CKM: variants seen among roughly 807,000 people sequenced by gnomAD.
CKM encodes the protein creatine kinase M-type.
In CKM, 28 loss-of-function variants were observed where a neutral mutation model predicts 35.4. The ratio of observed to expected loss-of-function variants is 0.79; its 90% CI spans 0.59 to 1.08. CKM has a LOEUF of 1.08. Among genes scored for constraint, CKM ranks in the 50% least tolerant of loss-of-function variants. The probability of loss-of-function intolerance (pLI) is 0.00; values close to 1 mark genes in which losing one functional copy is unlikely to be tolerated. For missense variants in CKM, 484 were observed against 509.8 expected, an observed-to-expected ratio of 0.95 and a Z score of 0.49; for synonymous variants, 215 against 204.4, an observed-to-expected ratio of 1.05 and a Z score of -0.44.
chr19:45,315,250 G>T (rs1971145373), intron 4 of CKM, among the ~76,000 whole-genome samples: 1 of 152,206 alleles, frequency 6.6e-6, no homozygotes, highest in Admixed American at 6.5e-5. Flanking sequence ...GTCTGCGTAG[G>T]TCTTCTCAGG....
At chr19:45,311,408 T>G (rs1001217434) in intron 5 of CKM, among the ~76,000 whole-genome samples, 2 of 151,862 alleles carry the variant, frequency 1.3e-5, no homozygotes, top group Non-Finnish European at 2.9e-5. Flanking sequence ...TAAATTTTTG[T>G]CATTTTTAGT....
rs1971052380 is a variant in CKM, at chr19:45,306,481, G to T, written c.*269C>A. The T allele has an allele frequency of 1.9e-6, 1 of 534,782 alleles. No individual in the cohort carries two copies. The highest frequency in any genetic ancestry group is 1.9e-5 in the African/African-American group (1 of 52,528). 33.1% of individuals were successfully genotyped at this position (534,782 alleles called of 1,614,324 possible). A position where few individuals can be genotyped will look rare whatever the true frequency, so the allele number is the denominator to read the frequency against. On this transcript the variant is annotated 3_prime_UTR_variant, in exon 8 of 8. Transcript: ENST00000221476. This position sits in a 1 kb window ranked among gnomAD's most constrained non-coding sequence, Gnocchi z 4.5. The stretch of plus-strand genomic sequence containing the variant: ...AGCACAAGCTCCGAGTGTGCTGGGA[G>T]CTCTCCATTAACTAGAGCTCCTGGT...
chr19:45,312,004 T>G (rs542392936), intron 4 of CKM, 84 bp from the exon 5 acceptor site: 1 of 1,502,786 alleles, frequency 6.7e-7, no homozygotes, highest in East Asian at 2.3e-5. Context: ...CTGCTGCTGC[T>G]CCTAACGGGC....
chr19:45,319,720 G>C lies in CKM; in HGVS notation c.-7C>G, dbSNP rs775525357. On this transcript the variant is annotated 5_prime_UTR_variant, in exon 2 of 8. Coordinates refer to ENST00000221476, the MANE Select transcript of CKM (RefSeq NM_001824.5). ...GGGTGTTACCGAATGGCATGGTGGCGGTGTAGGAGACCTGATGGGCAGGGC... is the reference window on the plus strand; with the variant it reads ...GGGTGTTACCGAATGGCATGGTGGCCGTGTAGGAGACCTGATGGGCAGGGC... 1 of 1,613,978 alleles carries C rather than the reference G, an allele frequency of 6.2e-7. No homozygotes were observed. The highest frequency in any genetic ancestry group is 8.5e-7 in the Non-Finnish European group (1 of 1,179,920).
intron 3 of CKM, among the ~76,000 whole-genome samples, chr19:45,316,929 C>G (rs1174057274): frequency 1.3e-5 from 2 of 152,030 alleles, no homozygotes. Flanking sequence ...TTATGATCCG[C>G]CCACCTCAGC....
At position 45,306,960 on chromosome 19, in the gene CKM, G is replaced by T; in HGVS notation, c.968-32C>A. On this transcript the variant is annotated intron_variant, in intron 7 of 7. Transcript: ENST00000221476. The surrounding 1 kb of genome is among the most constrained non-coding windows in gnomAD (Gnocchi z 4.5). ...GAGCAAGGGACAGGGGCGTGAAGAG[G>T]CAGCGAAGGTGCAGAGGGGCTGGGA... is the stretch of plus-strand genomic sequence containing the variant. 1 of 1,610,534 alleles carries T rather than the reference G, an allele frequency of 6.2e-7. No homozygotes were observed. Among genetic ancestry groups the T allele is most frequent in the Non-Finnish European group, 8.5e-7 (1 of 1,179,302 alleles).
At chr19:45,308,558 G>A in intron 5 of CKM, 26 bp from the exon 6 acceptor site, 5 of 1,613,746 alleles carry the variant, frequency 3.1e-6, no homozygotes, top group Non-Finnish European at 4.2e-6. Context: ...GCAGCAAGAG[G>A]CCAAGGTGTC....
intron 1 of CKM, among the ~76,000 whole-genome samples, chr19:45,320,661 T>C (rs1971205137): frequency 6.6e-6 from 1 of 152,020 alleles, no homozygotes; most frequent in East Asian, 1.9e-4. Context: ...TGGGTAAGAG[T>C]GTAGGTTCTG....
chr19:45,313,600 G>A (rs1971129803), intron 4 of CKM, among the ~76,000 whole-genome samples: 1 of 152,102 alleles, frequency 6.6e-6, no homozygotes, highest in South Asian at 2.1e-4. Flanking sequence ...TAATCCTAGT[G>A]GTTTGGGAGG....
intron 6 of CKM, among the ~76,000 whole-genome samples, 169 bp from the exon 7 acceptor site, chr19:45,307,819 C>T (rs1251166081): frequency 6.7e-6 from 1 of 148,698 alleles, no homozygotes; most frequent in Non-Finnish European, 1.5e-5. Context: ...CAATGGGGAC[C>T]AAGGCAGGAT....
At chr19:45,316,827 T>G (rs1342403468) in intron 3 of CKM, among the ~76,000 whole-genome samples, 2 of 151,600 alleles carry the variant, frequency 1.3e-5, no homozygotes, top group African/African-American at 4.8e-5. Flanking sequence ...GCTAGGATTA[T>G]AGGTGAACAC....
intron 3 of CKM, among the ~76,000 whole-genome samples, chr19:45,316,887 G>A (rs960603541): frequency 3.3e-5 from 5 of 151,440 alleles, no homozygotes; most frequent in Non-Finnish European, 7.4e-5. Context: ...GGGTTTCACC[G>A]TGTTGGTCAG....
Position 45,315,588 on chromosome 19 carries a change from C to G in CKM, c.358G>C (p.Asp120His), listed in dbSNP as rs771688624. The G allele has an allele frequency of 5.6e-6, 9 of 1,603,868 alleles. No homozygotes were observed. The highest frequency in any genetic ancestry group is 1.3e-5 in the African/African-American group (1 of 75,046). The change falls in exon 4 of 8, where the codon GAC (aspartate) becomes CAC (histidine). Residue 120 changes from aspartate (D) to histidine (H), a missense_variant. Physicochemically the swap from Asp to His is moderately conservative, Grantham distance 81. Coordinates refer to ENST00000221476, the MANE Select transcript of CKM (RefSeq NM_001824.5). ...LNHENLKGGDDLDPNYVLSSR... is the reference protein window; with the variant it reads ...LNHENLKGGDHLDPNYVLSSR... ...CTGAGCACGTAGTTAGGGTCCAGGT[C>G]GTCTCCACCCTGGAGAGCGGGTGGG...
intron 3 of CKM, among the ~76,000 whole-genome samples, chr19:45,317,283 ATTT>A (rs1971167734): frequency 6.7e-6 from 1 of 148,444 alleles, no homozygotes; most frequent in East Asian, 2.0e-4. Context: ...AATTTATTTT[ATTT>A]ATTTATTTAT....
In CKM at chr19:45,306,766, A is replaced by T. The variant is rs1971055543; in HGVS notation, c.1130T>A (p.Ile377Asn). 2 of 1,613,978 alleles carry T rather than the reference A, an allele frequency of 1.2e-6. No individual in the cohort carries two copies. Among genetic ancestry groups the T allele is most frequent in the East Asian group, 2.2e-5 (1 of 44,882 alleles). The change falls in exon 8 of 8, where the codon ATC (isoleucine) becomes AAC (asparagine). Residue 377 changes from isoleucine to asparagine, a missense_variant. By Grantham distance (149) the Ile-to-Asn change is moderately radical. Transcript: ENST00000221476. This position sits in a 1 kb window ranked among gnomAD's most constrained non-coding sequence, Gnocchi z 4.5. ...LEKGQSIDDMIPAQK is the reference protein window; with the variant it reads ...LEKGQSIDDMNPAQK ...GGCAGGCGCCTACTTCTGGGCGGGGATCATGTCGTCAATGGACTGGCCTTT... is the reference window on the plus strand; with the variant it reads ...GGCAGGCGCCTACTTCTGGGCGGGGTTCATGTCGTCAATGGACTGGCCTTT...
At chr19:45,319,146 T>A (rs921727784) in intron 2 of CKM, among the ~76,000 whole-genome samples, 1 of 152,176 alleles carries the variant, frequency 6.6e-6, no homozygotes, top group Non-Finnish European at 1.5e-5. Context: ...CATGAGCCAC[T>A]GCACCTGGCC....
chr19:45,308,556 A>G (rs539774241), intron 5 of CKM, 24 bp from the exon 6 acceptor site: 72 of 1,612,742 alleles, frequency 4.5e-5, no homozygotes, highest in Non-Finnish European at 6.8e-6. Context: ...CCGCAGCAAG[A>G]GGCCAAGGTG....
At chr19:45,313,680 C>T (rs1971130550) in intron 4 of CKM, among the ~76,000 whole-genome samples, 1 of 152,142 alleles carries the variant, frequency 6.6e-6, no homozygotes, top group South Asian at 2.1e-4. Context: ...AACCCCGATT[C>T]TACTAAAAAT....
At chr19:45,318,099 C>A in intron 2 of CKM, 120 bp from the exon 3 acceptor site, 1 of 749,462 alleles carries the variant, frequency 1.3e-6, no homozygotes, top group South Asian at 1.7e-5. Context: ...CATTCAATAC[C>A]TCTGGGTGGG....
Sources: gnomAD v4.1 joint callset for allele counts (sites outside exome capture counted in the v4.1 genomes callset) on GRCh38, gnomAD v4.1.1 for gene constraint, Gnocchi (gnomAD v3.1) non-coding constraint, MANE v1.5 for transcripts, NCBI Gene and HGNC (gene_info 2026-07-23, HGNC 2026-07-21) for gene names.